CFAP61: variants seen among roughly 807,000 people sequenced by gnomAD.
CFAP61 encodes the protein cilia and flagella associated protein 61, also known as cilia- and flagella-associated protein 61.
CFAP61 carries 107 observed loss-of-function variants against 135.6 expected under a neutral mutation model. The observed-to-expected ratio is 0.79, with a 90% CI of 0.67 to 0.93. The LOEUF is 0.93. Ranked by LOEUF, CFAP61 falls within the 40% of genes least tolerant of loss-of-function variation. The pLI, the probability that CFAP61 is intolerant of heterozygous loss-of-function variation, is 0.00. For missense variants in CFAP61, 1,507 were observed against 1,556.2 expected, an observed-to-expected ratio of 0.97 and a Z score of 0.53; for synonymous variants, 575 against 578.5, an observed-to-expected ratio of 0.99 and a Z score of 0.09.
chr20:20,135,517 T>C (rs1269898926), intron 8 of CFAP61, among the ~76,000 whole-genome samples: 1 of 152,236 alleles, frequency 6.6e-6, no homozygotes, highest in African/African-American at 2.4e-5. Flanking sequence ...TTTTGTTTTT[T>C]TGTGTATCCA....
intron 9 of CFAP61, among the ~76,000 whole-genome samples, chr20:20,144,016 T>C (rs1004280042): frequency 5.3e-5 from 8 of 151,410 alleles, no homozygotes; most frequent in African/African-American, 1.9e-4. Flanking sequence ...CACAAAAGAG[T>C]CTTGTGGAGA....
intron 10 of CFAP61, among the ~76,000 whole-genome samples, chr20:20,161,438 A>G (rs1384438301): frequency 6.6e-6 from 1 of 152,236 alleles, no homozygotes; most frequent in East Asian, 1.9e-4. Context: ...GAGAGGAGAT[A>G]TTGGAAGATA....
intron 11 of CFAP61, among the ~76,000 whole-genome samples, chr20:20,165,255 G>T (rs1385510259): frequency 6.6e-6 from 1 of 152,174 alleles, no homozygotes; most frequent in Non-Finnish European, 1.5e-5. Flanking sequence ...GTCTCATGAG[G>T]CCTGACAGGA....
At position 20,071,005 on chromosome 20, in the gene CFAP61, G is replaced by A; in HGVS notation, c.294+1G>A. 6.2e-7 allele frequency: 1 copy of A among 1,612,870 alleles called. No individual in the cohort carries two copies. Among genetic ancestry groups the A allele is most frequent in the Non-Finnish European group, 8.5e-7 (1 of 1,179,516 alleles). ...GCTCGACAGTGACATCCCATGCACA[G>A]TAAGAAATCACATACAGTGCTTGTT... On this transcript the variant is annotated splice_donor_variant, in intron 3 of 26. Coordinates refer to ENST00000245957, the MANE Select transcript of CFAP61 (RefSeq NM_015585.4). LOFTEE classifies it high-confidence loss of function.
chr20:20,292,051 A>G (rs1054132811), intron 24 of CFAP61, among the ~76,000 whole-genome samples: 16 of 152,344 alleles, frequency 1.1e-4, no homozygotes, highest in African/African-American at 3.8e-4. Context: ...AGCTCTTGGA[A>G]AAATCCTTAA....
At chr20:20,222,873 G>A (rs537671136) in intron 17 of CFAP61, among the ~76,000 whole-genome samples, 3 of 152,280 alleles carry the variant, frequency 2.0e-5, no homozygotes, top group South Asian at 2.1e-4. Context: ...TTGGGAAAAC[G>A]AGAGTTTCTC....
intron 17 of CFAP61, among the ~76,000 whole-genome samples, chr20:20,216,256 C>G (rs2424291): frequency 6.6e-6 from 1 of 152,088 alleles, no homozygotes; most frequent in African/African-American, 2.4e-5. Flanking sequence ...GACTGTTTAC[C>G]GCTGACGTGC....
In CFAP61 at chr20:20,219,766, CA is replaced by C. The variant is rs754204034; in HGVS notation, c.1933-8479del. ...AACTCATTATTAAGACATTCATAAT[CA>C]AAATGTGTATTATAAACTTATATAT... On this transcript the variant is annotated intron_variant, in intron 17 of 26. Coordinates refer to ENST00000245957, the MANE Select transcript of CFAP61 (RefSeq NM_015585.4). Among the ~76,000 whole-genome samples the C allele has an allele frequency of 1.0e-3, 158 of 152,240 alleles. 2 individuals are homozygous for C. The highest frequency in any genetic ancestry group is 4.3e-4 in the African/African-American group (18 of 41,552).
At chr20:20,215,674 T>G (rs565266328) in intron 17 of CFAP61, among the ~76,000 whole-genome samples, 70 of 152,362 alleles carry the variant, frequency 4.6e-4, no homozygotes, top group African/African-American at 1.6e-3. Context: ...AAGACCCTTT[T>G]GTTTGCCATT....
rs527573000 is a variant in CFAP61, at chr20:20,359,352, T to C, written c.3514-858T>C. ...AAAAGGTTTAATCACTCCTTTTTTTTATTTTTAAATTTTTTTATTTTTAAA... is the reference window on the plus strand; with the variant it reads ...AAAAGGTTTAATCACTCCTTTTTTTCATTTTTAAATTTTTTTATTTTTAAA... On this transcript the variant is annotated intron_variant, in intron 26 of 26. Coordinates refer to ENST00000245957, the MANE Select transcript of CFAP61 (RefSeq NM_015585.4). This position sits in a 1 kb window ranked among gnomAD's most constrained non-coding sequence, Gnocchi z 4.0. 6.6e-6 allele frequency among the ~76,000 whole-genome samples: 1 copy of C among 152,216 alleles called. No individual in the cohort carries two copies. The highest frequency in any genetic ancestry group is 1.9e-4 in the East Asian group (1 of 5,186).
intron 8 of CFAP61, among the ~76,000 whole-genome samples, chr20:20,137,004 C>G (rs773379138): frequency 6.6e-6 from 1 of 152,132 alleles, no homozygotes; most frequent in Non-Finnish European, 1.5e-5. Context: ...TTCTTGCAGA[C>G]TTGTAGAGGT....
At position 20,104,564 on chromosome 20, in the gene CFAP61, C is replaced by T. The variant is rs114934746; in HGVS notation, c.859+5750C>T. ...ATGGATTCCAAACAGGACTGGAGCA[C>T]GTATCTACAGGGTGTGTTAGGATTT... On this transcript the variant is annotated intron_variant, in intron 8 of 26. Transcript: ENST00000245957. Among the ~76,000 whole-genome samples the T allele has an allele frequency of 6.2e-3, 941 of 152,234 alleles. 9 individuals carry two copies. The highest frequency in any genetic ancestry group is 0.022 in the African/African-American group (898 of 41,522).
chr20:20,144,682 A>G (rs1444443401), intron 9 of CFAP61, among the ~76,000 whole-genome samples: 4 of 152,114 alleles, frequency 2.6e-5, no homozygotes, highest in Non-Finnish European at 5.9e-5. Context: ...TCACAGATAC[A>G]AGAAGCTCAG....
At chr20:20,058,087 G>A (rs2044516188) in intron 2 of CFAP61, among the ~76,000 whole-genome samples, 1 of 152,106 alleles carries the variant, frequency 6.6e-6, no homozygotes, top group Admixed American at 6.6e-5. Context: ...ATTTCATAAA[G>A]CTTCATATCA....
intron 26 of CFAP61, among the ~76,000 whole-genome samples, chr20:20,349,959 T>C (rs1218809319): frequency 6.6e-6 from 1 of 152,036 alleles, no homozygotes; most frequent in Non-Finnish European, 1.5e-5. Flanking sequence ...AAGAACAGAG[T>C]TGAAGAACTC....
rs535643431 is a variant in CFAP61 at position 20,060,911 on chromosome 20, G to A, written c.143+4115G>A. On this transcript the variant is annotated intron_variant, in intron 2 of 26. Coordinates refer to ENST00000245957, the MANE Select transcript of CFAP61 (RefSeq NM_015585.4). The stretch of plus-strand genomic sequence containing the variant: ...GCAACTGCCACCAGCTGCCAACCAT[G>A]CAAGTAAGCCGTCTTAGACACTGAG... Among the ~76,000 whole-genome samples, 22 of 152,298 alleles carry A rather than the reference G, an allele frequency of 1.4e-4. No individual in the cohort carries two copies. The East Asian group carries it at 3.7e-3, about 25-fold the overall frequency.
chr20:20,117,524 T>C (rs1272583340), intron 8 of CFAP61, among the ~76,000 whole-genome samples: 1 of 152,242 alleles, frequency 6.6e-6, no homozygotes, highest in Non-Finnish European at 1.5e-5. Flanking sequence ...GGTAGTGTGA[T>C]GCCTCTAGCT....
Position 20,067,598 on chromosome 20 carries a change from C to T in CFAP61, c.144-3256C>T, listed in dbSNP as rs890492432. 1.1e-4 allele frequency among the ~76,000 whole-genome samples: 17 copies of T among 147,930 alleles called. 1 individual carries two copies. Among genetic ancestry groups the T allele is most frequent in the Admixed American group, 6.8e-4 (10 of 14,776 alleles). On this transcript the variant is annotated intron_variant, in intron 2 of 26. Coordinates refer to ENST00000245957, the MANE Select transcript of CFAP61 (RefSeq NM_015585.4). ...GGGAGGTTGCAGTGAGCTGAGATCG[C>T]GCCACTGCACTCCAGGCTGGGTGAC...
intron 25 of CFAP61, among the ~76,000 whole-genome samples, chr20:20,319,647 A>G (rs1286080013): frequency 3.3e-5 from 5 of 152,232 alleles, no homozygotes; most frequent in African/African-American, 1.2e-4. Context: ...AGCCTGTGCA[A>G]CTGTGAGCCA....
Sources: gnomAD v4.1 joint callset for allele counts (sites outside exome capture counted in the v4.1 genomes callset) on GRCh38, gnomAD v4.1.1 for gene constraint, Gnocchi (gnomAD v3.1) non-coding constraint, MANE v1.5 for transcripts, NCBI Gene and HGNC (gene_info 2026-07-23, HGNC 2026-07-21) for gene names.